Variants in ADARB2 observed in about 807,000 individuals in gnomAD.
ADARB2 encodes adenosine deaminase RNA specific B2 (inactive).
Under a neutral mutation model 62.2 loss-of-function variants are expected in ADARB2, and 25 were observed. The ratio of observed to expected loss-of-function variants is 0.40; its 90% CI spans 0.29 to 0.56. ADARB2 has a LOEUF of 0.56. ADARB2 is among the 20% of genes least tolerant of loss of function. The pLI is 0.43. For missense variants in ADARB2, 1,071 were observed against 1,077.4 expected, an observed-to-expected ratio of 0.99 and a Z score of 0.08; for synonymous variants, 572 against 500.8, an observed-to-expected ratio of 1.14 and a Z score of -1.90.
intron 1 of ADARB2, among the ~76,000 whole-genome samples, chr10:1,447,273 T>C (rs1830981581): frequency 6.6e-6 from 1 of 152,346 alleles, no homozygotes; most frequent in Admixed American, 6.5e-5. Flanking sequence ...TCTGAGATTA[T>C]CCTGGAAAAA....
chr10:1,619,389 T>G (rs4567375), intron 1 of ADARB2, among the ~76,000 whole-genome samples: 28,895 of 151,568 alleles, frequency 0.19, 2,900 homozygotes, highest in East Asian at 0.34. Context: ...AGGTGGAAAA[T>G]TAAATGACAG....
At chr10:1,566,063 C>CAAA (rs376967105) in intron 1 of ADARB2, among the ~76,000 whole-genome samples, 3 of 128,042 alleles carry the variant, frequency 2.3e-5, no homozygotes, top group African/African-American at 9.0e-5. Flanking sequence ...CTCAGTCTAG[C>CAAA]AAAAAAAAAA....
intron 3 of ADARB2, among the ~76,000 whole-genome samples, chr10:1,347,177 C>G (rs554886012): frequency 1.3e-5 from 2 of 152,368 alleles, no homozygotes; most frequent in Non-Finnish European, 1.5e-5. Context: ...CAACGTGTTA[C>G]TCCAGAAATG....
rs114463218 is a variant in ADARB2, at chr10:1,388,040, C to G, written c.101-8880G>C. ...GAAAAAACATTTGAGAAAGACATGC[C>G]AAACCTCCACACTCATATTTACAAG... On this transcript the variant is annotated intron_variant, in intron 1 of 9. Coordinates refer to ENST00000381312, the MANE Select transcript of ADARB2 (RefSeq NM_018702.4). Among the ~76,000 whole-genome samples the G allele has an allele frequency of 7.3e-3, 1,107 of 152,016 alleles. 15 individuals carry two copies. The highest frequency in any genetic ancestry group is 0.025 in the African/African-American group (1,057 of 41,494).
At chr10:1,616,082 G>A (rs1048833002) in intron 1 of ADARB2, among the ~76,000 whole-genome samples, 6 of 152,188 alleles carry the variant, frequency 3.9e-5, no homozygotes, top group African/African-American at 1.4e-4. Context: ...CTATATTTAG[G>A]CTTTGTGCCC....
intron 3 of ADARB2, among the ~76,000 whole-genome samples, chr10:1,348,189 C>T (rs1482975873): frequency 2.6e-5 from 4 of 152,140 alleles, no homozygotes; most frequent in African/African-American, 9.7e-5. Flanking sequence ...GGAGTGGCTA[C>T]AAAGTCATTT....
At chr10:1,297,219 C>T (rs940347765) in intron 3 of ADARB2, among the ~76,000 whole-genome samples, 2 of 152,116 alleles carry the variant, frequency 1.3e-5, no homozygotes, top group African/African-American at 2.4e-5. Context: ...GTGTCTTTAT[C>T]GCAGGGAGGA....
chr10:1,402,194 CAGGATGAGGGGTAGGG>C (rs1185603645), intron 1 of ADARB2, among the ~76,000 whole-genome samples: 1 of 152,192 alleles, frequency 6.6e-6, no homozygotes, highest in Admixed American at 6.5e-5. Context: ...TGCTGAGCCC[CAGGATGAGGGGTAGGG>C]AAGGAAGGCT....
chr10:1,199,214 A>ACCCCC (rs35859427), intron 8 of ADARB2, among the ~76,000 whole-genome samples: 2 of 150,580 alleles, frequency 1.3e-5, no homozygotes, highest in African/African-American at 4.9e-5. Flanking sequence ...TCGGAAACCC[A>ACCCCC]CCCCCCCGCT....
chr10:1,599,906 C>T (rs894733017), intron 1 of ADARB2, among the ~76,000 whole-genome samples: 1 of 152,046 alleles, frequency 6.6e-6, no homozygotes, highest in South Asian at 2.1e-4. Context: ...ATCACCACAC[C>T]TAATTTTTGT....
intron 3 of ADARB2, among the ~76,000 whole-genome samples, chr10:1,279,658 C>T (rs940418588): frequency 1.3e-5 from 2 of 152,206 alleles, no homozygotes; most frequent in African/African-American, 4.8e-5. Context: ...ACTGGATAAG[C>T]TGCCTCAACT....
At chr10:1,454,951 T>C (rs1831079679) in intron 1 of ADARB2, among the ~76,000 whole-genome samples, 1 of 151,980 alleles carries the variant, frequency 6.6e-6, no homozygotes, top group South Asian at 2.1e-4. Flanking sequence ...AGGTTGCTGT[T>C]TAATACCAAC....
chr10:1,608,174 C>T (rs112318344), intron 1 of ADARB2, among the ~76,000 whole-genome samples: 91 of 152,312 alleles, frequency 6.0e-4, no homozygotes, highest in African/African-American at 1.9e-3. Flanking sequence ...TCTGTGCCAA[C>T]GTCTGGAGCG....
intron 1 of ADARB2, among the ~76,000 whole-genome samples, chr10:1,515,956 A>G (rs1413526303): frequency 6.6e-6 from 1 of 152,220 alleles, no homozygotes; most frequent in Non-Finnish European, 1.5e-5. Flanking sequence ...TGGAGTGTGC[A>G]GTGCTAAGAT....
At chr10:1,408,739 G>A (rs1832728863) in intron 1 of ADARB2, among the ~76,000 whole-genome samples, 1 of 152,194 alleles carries the variant, frequency 6.6e-6, no homozygotes, top group South Asian at 2.1e-4. Flanking sequence ...TTTGTTCACT[G>A]GGCTCTGGAT....
intron 1 of ADARB2, among the ~76,000 whole-genome samples, chr10:1,554,489 C>A (rs550679065): frequency 2.0e-5 from 3 of 152,066 alleles, no homozygotes; most frequent in Non-Finnish European, 4.4e-5. Context: ...CTCCACTGTC[C>A]CCCAGCCAGC....
In ADARB2 at chr10:1,701,596, T is replaced by C. The variant is rs75241548; in HGVS notation, c.100+35455A>G. ...ACTCCACCAGGAGACCAGGCGCTAGTCAATACACGCAATCCCACTCTACCA... is the reference window on the plus strand; with the variant it reads ...ACTCCACCAGGAGACCAGGCGCTAGCCAATACACGCAATCCCACTCTACCA... On this transcript the variant is annotated intron_variant, in intron 1 of 9. Coordinates refer to ENST00000381312, the MANE Select transcript of ADARB2 (RefSeq NM_018702.4). Among the ~76,000 whole-genome samples, 6 of 3,200 alleles carry C rather than the reference T, an allele frequency of 1.9e-3. 1 individual carries two copies. The highest frequency in any genetic ancestry group is 0.33 in the South Asian group (2 of 6). The allele number at this position is 3,200 out of a possible 152,430, so 2.1% of individuals were successfully genotyped here.
At chr10:1,355,996 C>T (rs1287565461) in intron 3 of ADARB2, among the ~76,000 whole-genome samples, 1 of 152,024 alleles carries the variant, frequency 6.6e-6, no homozygotes, top group Non-Finnish European at 1.5e-5. Flanking sequence ...TGTATAAATG[C>T]ATAAATGTAT....
chr10:1,328,403 G>C (rs1314033653), intron 3 of ADARB2, among the ~76,000 whole-genome samples: 3 of 152,166 alleles, frequency 2.0e-5, no homozygotes, highest in South Asian at 2.1e-4. Context: ...TAGAAGTTGT[G>C]TTAGGGAATT....
Sources: allele counts gnomAD v4.1 joint callset (sites outside exome capture counted in the v4.1 genomes callset), GRCh38; gene constraint gnomAD v4.1.1; transcripts MANE v1.5; gene names NCBI Gene and HGNC (gene_info 2026-07-23, HGNC 2026-07-21).